CDKN2B-AS1: variants seen among roughly 807,000 people sequenced by gnomAD.
The protein encoded by CDKN2B-AS1 is CDKN2B and CDKN2A antisense cis and trans regulatory RNA 1, also known as CDKN2B antisense RNA 1 (non-protein coding).
intron 4 of CDKN2B-AS1, among the ~76,000 whole-genome samples, chr9:22,115,536 T>C (rs950528704): frequency 5.3e-5 from 8 of 152,316 alleles, no homozygotes; most frequent in South Asian, 2.1e-4. Context: ...ATAGACACTT[T>C]AGCCTTTTCT....
intron 4 of CDKN2B-AS1, among the ~76,000 whole-genome samples, chr9:22,079,274 A>T (rs563016649): frequency 6.6e-6 from 1 of 152,314 alleles, no homozygotes; most frequent in Non-Finnish European, 1.5e-5. Flanking sequence ...ACCTGAGGTC[A>T]GGAGTTCGAG....
At position 22,108,876 on chromosome 9, in the gene CDKN2B-AS1, G is replaced by A. The variant is rs199974964; in HGVS notation, n.439-18227G>A. On this transcript the variant is annotated intron_variant and non_coding_transcript_variant, in intron 4 of 4. Coordinates refer to ENST00000650946, the Ensembl canonical transcript of CDKN2B-AS1. ...AGGGTTTAGTTTTTGTTCAAAAGCC[G>A]TTTTGCTTGTTACAAAGGCTACCAA... Among the ~76,000 whole-genome samples, 22 of 152,114 alleles carry A rather than the reference G, an allele frequency of 1.4e-4. No individual in the cohort carries two copies. In the East Asian group the frequency reaches 2.7e-3, roughly 19 times the overall value.
rs185549038 is a variant in CDKN2B-AS1, at chr9:22,040,703, A to T, written n.30-6048A>T. On this transcript the variant is annotated intron_variant and non_coding_transcript_variant, in intron 1 of 4. Transcript: ENST00000650946. ...GATTGGAGACTGTGTGTGTGCACGA[A>T]TGCCTCCTTTGTAGCTGGATGTCTA... Among the ~76,000 whole-genome samples the T allele has an allele frequency of 7.2e-5, 11 of 152,154 alleles. No homozygotes were observed. In the East Asian group the frequency reaches 1.9e-3, roughly 27 times the overall value.
At chr9:22,088,708 G>T (rs1824950303) in intron 4 of CDKN2B-AS1, among the ~76,000 whole-genome samples, 1 of 152,194 alleles carries the variant, frequency 6.6e-6, no homozygotes, top group Non-Finnish European at 1.5e-5. Flanking sequence ...ATAAGTTACA[G>T]TGATATTGCC....
At chr9:21,998,727 G>C (rs1432014070) in intron 1 of CDKN2B-AS1, among the ~76,000 whole-genome samples, 2 of 152,068 alleles carry the variant, frequency 1.3e-5, no homozygotes, top group Admixed American at 6.6e-5. Context: ...AATATCCCTT[G>C]TCTTGTTCTC....
chr9:22,015,938 G>C (rs1821734420), intron 1 of CDKN2B-AS1, among the ~76,000 whole-genome samples: 1 of 152,020 alleles, frequency 6.6e-6, no homozygotes, highest in Non-Finnish European at 1.5e-5. Context: ...TTTTTGATGG[G>C]GTTGTTTGTT....
chr9:21,994,800 C>G (rs551951319), upstream of CDKN2B-AS1: 1 of 178,390 alleles, frequency 5.6e-6, no homozygotes, highest in South Asian at 1.8e-4. Flanking sequence ...TAGCTACATC[C>G]GTCACCTGAC....
chr9:22,006,360 C>A lies in CDKN2B-AS1; in HGVS notation n.29+11199C>A. 1.4e-6 allele frequency: 2 copies of A among 1,435,040 alleles called. No individual in the cohort carries two copies. The highest frequency in any genetic ancestry group is 1.9e-6 in the Non-Finnish European group (2 of 1,053,056). 88.9% of individuals were successfully genotyped at this position (1,435,040 alleles called of 1,614,324 possible). ...GAAACACCTAATTGCAAAGTTTTCACCCAGTGCAGAGGTGTTCAGGTCTCT... is the reference window on the plus strand; with the variant it reads ...GAAACACCTAATTGCAAAGTTTTCAACCAGTGCAGAGGTGTTCAGGTCTCT... On this transcript the variant is annotated intron_variant and non_coding_transcript_variant, in intron 1 of 4. Coordinates refer to ENST00000650946, the Ensembl canonical transcript of CDKN2B-AS1. This position sits in a 1 kb window ranked among gnomAD's most constrained non-coding sequence, Gnocchi z 6.4.
intron 1 of CDKN2B-AS1, among the ~76,000 whole-genome samples, chr9:22,018,699 G>A (rs527809343): frequency 3.9e-5 from 6 of 152,224 alleles, no homozygotes; most frequent in South Asian, 2.1e-4. Flanking sequence ...TGTAAAGAGC[G>A]CCAACATGTT....
chr9:22,003,757 G>A (rs1195259117), intron 1 of CDKN2B-AS1: 3 of 231,986 alleles, frequency 1.3e-5, no homozygotes, highest in Non-Finnish European at 2.6e-5. Flanking sequence ...TGTTGGGGGG[G>A]GTTATTCTCC....
In CDKN2B-AS1 at chr9:21,996,090, C is replaced by G. The variant is rs72693614; in HGVS notation, n.29+929C>G. On this transcript the variant is annotated intron_variant and non_coding_transcript_variant, in intron 1 of 4. Coordinates refer to ENST00000650946, the Ensembl canonical transcript of CDKN2B-AS1. This position sits in a 1 kb window ranked among gnomAD's most constrained non-coding sequence, Gnocchi z 5.4. ...CTTACAGATCAGACGTCAAGCCCCC[C>G]AGACCTTACAGGGGAGGAAAGTGAG... 3.9e-5 allele frequency: 6 copies of G among 152,482 alleles called. No homozygotes were observed. Among genetic ancestry groups the G allele is most frequent in the Non-Finnish European group, 7.3e-5 (5 of 68,166 alleles). The allele number at this position is 152,482 out of a possible 1,614,324, so 9.4% of individuals were successfully genotyped here.
chr9:22,095,145 A>G (rs1198535682), intron 4 of CDKN2B-AS1, among the ~76,000 whole-genome samples: 3 of 144,554 alleles, frequency 2.1e-5, no homozygotes, highest in Non-Finnish European at 4.4e-5. Flanking sequence ...TGAACAGCAA[A>G]TGTTCCTGCC....
chr9:22,024,599 C>A (rs1027466113), intron 1 of CDKN2B-AS1, among the ~76,000 whole-genome samples: 2 of 152,186 alleles, frequency 1.3e-5, no homozygotes, highest in African/African-American at 2.4e-5. Flanking sequence ...AAGAGTGAGG[C>A]ACTGGCAGCT....
At chr9:22,015,060 C>G (rs946966698) in intron 1 of CDKN2B-AS1, among the ~76,000 whole-genome samples, 1 of 151,982 alleles carries the variant, frequency 6.6e-6, no homozygotes, top group African/African-American at 2.4e-5. Context: ...AATAGTGCCG[C>G]AATAAACATA....
intron 4 of CDKN2B-AS1, among the ~76,000 whole-genome samples, chr9:22,073,368 A>C (rs1400706357): frequency 6.6e-6 from 1 of 152,192 alleles, no homozygotes; most frequent in Admixed American, 6.5e-5. Context: ...AAATATTTCT[A>C]AAAGCACTGT....
intron 4 of CDKN2B-AS1, among the ~76,000 whole-genome samples, chr9:22,099,569 C>G (rs1537371): frequency 6.6e-6 from 1 of 151,838 alleles, no homozygotes; most frequent in African/African-American, 2.4e-5. Flanking sequence ...GTTATAATTT[C>G]ATTGGCAGCA....
rs1282063743 is a variant in CDKN2B-AS1, at chr9:22,005,661, C to A, written n.29+10500C>A. 4.1e-6 allele frequency: 2 copies of A among 484,556 alleles called. No individual in the cohort carries two copies. The highest frequency in any genetic ancestry group is 4.3e-5 in the South Asian group (2 of 46,446). The allele number at this position is 484,556 out of a possible 1,614,324, so 30.0% of individuals were successfully genotyped here. A position where few individuals can be genotyped will look rare whatever the true frequency, so the allele number is the denominator to read the frequency against. ...ATCGGAAGATTCGTAGCCACCAGGTCCAGTCAAGGATTTCATATGCACTTT... is the reference window on the plus strand; with the variant it reads ...ATCGGAAGATTCGTAGCCACCAGGTACAGTCAAGGATTTCATATGCACTTT... On this transcript the variant is annotated intron_variant and non_coding_transcript_variant, in intron 1 of 4. Transcript: ENST00000650946. The surrounding 1 kb of genome is among the most constrained non-coding windows in gnomAD (Gnocchi z 4.9).
At chr9:22,076,674 A>G (rs888575560) in intron 4 of CDKN2B-AS1, among the ~76,000 whole-genome samples, 22 of 152,056 alleles carry the variant, frequency 1.4e-4, no homozygotes, top group African/African-American at 5.3e-4. Context: ...CCTGAACGCA[A>G]TACACCATTT....
At chr9:22,019,480 G>A (rs1821929535) in intron 1 of CDKN2B-AS1, among the ~76,000 whole-genome samples, 1 of 152,118 alleles carries the variant, frequency 6.6e-6, no homozygotes, top group Admixed American at 6.5e-5. Flanking sequence ...GGGAAGGGAA[G>A]GTGTTAGGCA....
Sources: gnomAD v4.1 joint callset for allele counts (sites outside exome capture counted in the v4.1 genomes callset) on GRCh38, gnomAD v4.1.1 for gene constraint, Gnocchi (gnomAD v3.1) non-coding constraint, MANE v1.5 for transcripts, NCBI Gene and HGNC (gene_info 2026-07-23, HGNC 2026-07-21) for gene names.